Variants in PCDH15 observed in about 807,000 individuals in gnomAD.
PCDH15 encodes the protein protocadherin related 15, also known as protocadherin-15.
A neutral mutation model predicts 178.5 loss-of-function variants in PCDH15; 129 were observed. That is an observed-to-expected ratio of 0.72 (90% CI 0.63 to 0.84). The LOEUF (loss-of-function observed/expected upper bound fraction) is 0.84. PCDH15 is among the 40% of genes least tolerant of loss of function. PCDH15 has a pLI of 0.00. For synonymous variants in PCDH15, 800 were observed against 732.0 expected, an observed-to-expected ratio of 1.09 and a Z score of -1.50; for missense variants, 2,230 against 2,099.9, an observed-to-expected ratio of 1.06 and a Z score of -1.21.
Position 54,766,941 on chromosome 10 carries a change from A to C in PCDH15, c.-29+33984T>G, listed in dbSNP as rs550215451. On this transcript the variant is annotated intron_variant, in intron 1 of 37. Transcript: ENST00000644397. ...CGAGACTCCATCTCAAAAAAACAAAAAAAAAAATCTATCCACTATACACCT... is the reference window on the plus strand; with the variant it reads ...CGAGACTCCATCTCAAAAAAACAAACAAAAAAATCTATCCACTATACACCT... Among the ~76,000 whole-genome samples the C allele has an allele frequency of 2.3e-4, 34 of 148,686 alleles. 1 individual carries two copies. Among genetic ancestry groups the C allele is most frequent in the East Asian group, 5.9e-4 (3 of 5,074 alleles).
intron 36 of PCDH15, among the ~76,000 whole-genome samples, chr10:53,811,334 G>A (rs890523557): frequency 6.6e-6 from 1 of 151,866 alleles, no homozygotes; most frequent in Non-Finnish European, 1.5e-5. Context: ...AATTGCAATC[G>A]ATATCAATGT....
intron 2 of PCDH15, among the ~76,000 whole-genome samples, chr10:55,414,367 A>G (rs1052742389): frequency 3.3e-5 from 5 of 151,624 alleles, no homozygotes; most frequent in African/African-American, 1.2e-4. Flanking sequence ...TCAAAATAAA[A>G]AATCCACGAT....
intron 1 of PCDH15, among the ~76,000 whole-genome samples, chr10:55,243,152 G>A (rs1841597604): frequency 6.6e-6 from 1 of 152,088 alleles, no homozygotes; most frequent in South Asian, 2.1e-4. Context: ...TTATTCCCCA[G>A]GATAGTCTAT....
chr10:55,447,489 T>C (rs1839343295), intron 2 of PCDH15, among the ~76,000 whole-genome samples: 1 of 152,038 alleles, frequency 6.6e-6, no homozygotes, highest in African/African-American at 2.4e-5. Context: ...GTTTAGACTA[T>C]GCTGACATGA....
intron 2 of PCDH15, among the ~76,000 whole-genome samples, chr10:54,604,837 CT>C (rs1426659123): frequency 6.6e-6 from 1 of 151,190 alleles, no homozygotes; most frequent in Non-Finnish European, 1.5e-5. Context: ...TTTTGTGTTT[CT>C]TTTTTTGTTA....
chr10:54,723,495 T>C lies in PCDH15; in HGVS notation c.-28-59205A>G, dbSNP rs138814882. ...TCTGGACATTTGCCTTAGCAAATAATTTATAATGATGACCCTGAAAGTAAA... is the reference window on the plus strand; with the variant it reads ...TCTGGACATTTGCCTTAGCAAATAACTTATAATGATGACCCTGAAAGTAAA... On this transcript the variant is annotated intron_variant, in intron 1 of 37. Transcript: ENST00000644397. Among the ~76,000 whole-genome samples the C allele has an allele frequency of 9.4e-3, 1,425 of 151,916 alleles. 8 individuals carry two copies. Among genetic ancestry groups the C allele is most frequent in the Middle Eastern group, 0.02 (6 of 294 alleles).
chr10:53,812,498 C>G (rs2075907473), intron 35 of PCDH15, among the ~76,000 whole-genome samples: 1 of 152,022 alleles, frequency 6.6e-6, no homozygotes, highest in South Asian at 2.1e-4. Flanking sequence ...CAGGCGTGAG[C>G]CACTGTGCCT....
intron 3 of PCDH15, among the ~76,000 whole-genome samples, chr10:54,396,589 T>G (rs2135412269): frequency 6.6e-6 from 1 of 152,284 alleles, no homozygotes; most frequent in South Asian, 2.1e-4. Context: ...TCCAACACTC[T>G]TCTTTTGATA....
chr10:54,974,155 C>T (rs1422468093), intron 2 of PCDH15, among the ~76,000 whole-genome samples: 2 of 151,272 alleles, frequency 1.3e-5, no homozygotes, highest in Non-Finnish European at 3.0e-5. Context: ...GCCTAGGAGA[C>T]TAAAGCAAAT....
chr10:54,265,299 A>C lies in PCDH15; in HGVS notation c.877-28368T>G, dbSNP rs535500040. On this transcript the variant is annotated intron_variant, in intron 8 of 37. Coordinates refer to ENST00000644397, the MANE Select transcript of PCDH15 (RefSeq NM_001384140.1). The stretch of plus-strand genomic sequence containing the variant: ...GATGTGAAAGAACAATACACACAAA[A>C]GCAGAGTTAAGTACATAGTCCACAG... Among the ~76,000 whole-genome samples the C allele has an allele frequency of 1.2e-4, 18 of 152,240 alleles. No homozygotes were observed. In the East Asian group the frequency reaches 3.5e-3, roughly 30 times the overall value.
At chr10:54,341,740 T>C (rs1204874431) in intron 6 of PCDH15, among the ~76,000 whole-genome samples, 1 of 152,170 alleles carries the variant, frequency 6.6e-6, no homozygotes, top group Non-Finnish European at 1.5e-5. Context: ...CTGATAGTGA[T>C]ACGGACAATG....
chr10:53,812,364 C>T (rs185101751), intron 35 of PCDH15, among the ~76,000 whole-genome samples: 4 of 147,116 alleles, frequency 2.7e-5, no homozygotes, highest in Admixed American at 6.9e-5. Context: ...CCCGCCACCA[C>T]GCCCGTCTAA....
chr10:54,822,131 T>C (rs73252082), intron 3 of PCDH15, among the ~76,000 whole-genome samples: 6,332 of 152,262 alleles, frequency 0.042, 386 homozygotes, highest in African/African-American at 0.14. Context: ...ATATTCATCA[T>C]CTAAAACATT....
At chr10:55,429,587 A>G (rs117493753) in intron 2 of PCDH15, among the ~76,000 whole-genome samples, 508 of 152,250 alleles carry the variant, frequency 3.3e-3, no homozygotes, top group Non-Finnish European at 6.0e-3. Context: ...ATAATTTTTG[A>G]TGTACTGCAA....
intron 3 of PCDH15, among the ~76,000 whole-genome samples, chr10:54,430,759 T>G (rs1320974129): frequency 6.7e-6 from 1 of 149,514 alleles, no homozygotes; most frequent in Non-Finnish European, 1.5e-5. Flanking sequence ...AAATAAATAA[T>G]AAAGACAAGA....
intron 2 of PCDH15, among the ~76,000 whole-genome samples, chr10:55,114,206 C>T (rs1837576558): frequency 6.6e-6 from 1 of 152,158 alleles, no homozygotes; most frequent in Non-Finnish European, 1.5e-5. Flanking sequence ...CTGCCTTGGC[C>T]TCCCAAAGTG....
intron 2 of PCDH15, among the ~76,000 whole-genome samples, chr10:54,906,241 T>C (rs965794220): frequency 3.9e-5 from 6 of 152,140 alleles, no homozygotes; most frequent in African/African-American, 7.2e-5. Context: ...TGCACAAGAA[T>C]CATTAGCAGT....
rs967981939 is a variant in PCDH15, at chr10:54,772,086, G to T, written c.-29+28839C>A. Among the ~76,000 whole-genome samples the T allele has an allele frequency of 5.9e-5, 9 of 152,134 alleles. No homozygotes were observed. The South Asian group carries it at 1.9e-3, about 32-fold the overall frequency. On this transcript the variant is annotated intron_variant, in intron 1 of 37. Coordinates refer to ENST00000644397, the MANE Select transcript of PCDH15 (RefSeq NM_001384140.1). ...CACTCAGATAATAATTTTTCCTCTT[G>T]TCTGTTTTATAAGCTGTTGAGGAAT...
chr10:54,932,133 T>C (rs1192068826), intron 2 of PCDH15, among the ~76,000 whole-genome samples: 4 of 152,202 alleles, frequency 2.6e-5, no homozygotes, highest in Non-Finnish European at 5.9e-5. Context: ...TACTTCTACT[T>C]ATAAAAAAAG....
Sources: gnomAD v4.1 joint callset for allele counts (sites outside exome capture counted in the v4.1 genomes callset) on GRCh38, gnomAD v4.1.1 for gene constraint, MANE v1.5 for transcripts, NCBI Gene and HGNC (gene_info 2026-07-23, HGNC 2026-07-21) for gene names.